Variants in PTPN12 observed in about 807,000 individuals in gnomAD.
PTPN12 encodes tyrosine-protein phosphatase non-receptor type 12.
A neutral mutation model predicts 97.6 loss-of-function variants in PTPN12; 29 were observed. The ratio of observed to expected loss-of-function variants is 0.30; its 90% CI spans 0.22 to 0.41. The LOEUF (loss-of-function observed/expected upper bound fraction) is 0.41, where lower values mean the gene tolerates loss of function less well. Among genes scored for constraint, PTPN12 ranks in the 10% least tolerant of loss-of-function variants. The probability of loss-of-function intolerance (pLI) is 1.00; values close to 1 mark genes in which losing one functional copy is unlikely to be tolerated. For synonymous variants in PTPN12, 327 were observed against 300.4 expected (o/e 1.09, Z -0.91); for missense variants, 819 against 926.0 (o/e 0.88, Z 1.50).
intron 11 of PTPN12, among the ~76,000 whole-genome samples, chr7:77,615,842 T>C (rs1244209631): frequency 6.6e-6 from 1 of 152,234 alleles, no homozygotes; most frequent in Non-Finnish European, 1.5e-5. Context: ...GATGTGGGTG[T>C]GTAGGAGACA....
chr7:77,611,487 C>T (rs1030554208), intron 11 of PTPN12, among the ~76,000 whole-genome samples: 1 of 152,128 alleles, frequency 6.6e-6, no homozygotes, highest in African/African-American at 2.4e-5. Context: ...TCTTGTTGCC[C>T]AGGCTGGAGT....
At chr7:77,550,694 G>A (rs1314841456) in intron 1 of PTPN12, among the ~76,000 whole-genome samples, 2 of 152,218 alleles carry the variant, frequency 1.3e-5, no homozygotes, top group East Asian at 3.8e-4. Context: ...TGAGAGGAAT[G>A]AGCAAGAGGC....
intron 5 of PTPN12, among the ~76,000 whole-genome samples, chr7:77,588,963 C>CT (rs1787780464): frequency 6.6e-6 from 1 of 152,090 alleles, no homozygotes; most frequent in African/African-American, 2.4e-5. Flanking sequence ...ACCTCCATCT[C>CT]CCGGGTTCAG....
chr7:77,570,601 A>G (rs138357795), intron 1 of PTPN12, among the ~76,000 whole-genome samples: 63 of 152,364 alleles, frequency 4.1e-4, no homozygotes, highest in African/African-American at 1.4e-3. Context: ...GACATTTCCA[A>G]TTCAATATGA....
chr7:77,572,919 T>C (rs67630171), intron 2 of PTPN12, among the ~76,000 whole-genome samples: 106,914 of 151,322 alleles, frequency 0.71, 38,808 homozygotes, highest in East Asian at 0.9. Context: ...CCCATCTCTA[T>C]CAAAAATACA....
chr7:77,628,560 A>ATT lies in PTPN12; in HGVS notation c.1996+899_1996+900dup, dbSNP rs34494082. Reference sequence around the variant, plus strand: ...AAAATAAGTACTGTGACCTTGAAAGATTTTTTTTTTTTTTTGAGACTTGCA... The same window carrying ATT: ...AAAATAAGTACTGTGACCTTGAAAGATTTTTTTTTTTTTTTTTGAGACTTGCA... On this transcript the variant is annotated intron_variant, in intron 13 of 17. Transcript: ENST00000248594. Among the ~76,000 whole-genome samples, 431 of 143,818 alleles carry ATT rather than the reference A, an allele frequency of 3.0e-3. 5 individuals carry two copies. The East Asian group carries it at 0.045, about 15-fold the overall frequency. 94.4% of individuals were successfully genotyped at this position (143,818 alleles called of 152,430 possible).
intron 2 of PTPN12, among the ~76,000 whole-genome samples, chr7:77,572,777 A>G (rs540033841): frequency 6.6e-6 from 1 of 152,274 alleles, no homozygotes; most frequent in East Asian, 1.9e-4. Flanking sequence ...ATAGGTTAAT[A>G]TTAAATGCTT....
intron 2 of PTPN12, among the ~76,000 whole-genome samples, chr7:77,579,086 T>G (rs1476647077): frequency 6.6e-6 from 1 of 152,172 alleles, no homozygotes; most frequent in African/African-American, 2.4e-5. Context: ...CAGAGAAACT[T>G]TTTTAGATTG....
At chr7:77,568,376 G>A (rs117091436) in intron 1 of PTPN12, among the ~76,000 whole-genome samples, 1,852 of 152,278 alleles carry the variant, frequency 0.012, 13 homozygotes, top group Middle Eastern at 0.034. Flanking sequence ...GCTTACACTT[G>A]TATTCCCCAG....
At chr7:77,626,436 A>T (rs895161825) in intron 12 of PTPN12, among the ~76,000 whole-genome samples, 5 of 152,144 alleles carry the variant, frequency 3.3e-5, no homozygotes, top group Non-Finnish European at 2.9e-5. Flanking sequence ...AAGCAGCTAT[A>T]AAAAAATGTT....
intron 11 of PTPN12, among the ~76,000 whole-genome samples, chr7:77,612,542 G>A (rs545537960): frequency 2.7e-4 from 41 of 152,212 alleles, no homozygotes; most frequent in African/African-American, 9.6e-4. Context: ...AGGTTCAAGC[G>A]ATTCTCCTGC....
intron 2 of PTPN12, among the ~76,000 whole-genome samples, chr7:77,578,465 A>G (rs989440872): frequency 7.2e-5 from 11 of 152,222 alleles, no homozygotes; most frequent in African/African-American, 2.7e-4. Context: ...CAGTGAGGAG[A>G]TGAATAATTT....
In PTPN12 at chr7:77,618,510, T is replaced by C. The variant is rs771521940; in HGVS notation, c.970T>C (p.Ser324Pro). ...NEINTENMVS[S>P]IEPEKQDSPP... ...AATTAACACTGAAAACATGGTCAGC[T>C]CCATAGAGCCTGAAAAACAAGATTC... Residue 324 changes from serine (S) to proline (P), a missense_variant, in exon 12 of 18, where the codon TCC (serine) becomes CCC (proline). Physicochemically the swap from Ser to Pro is moderately conservative, Grantham distance 74. Around this residue, in one of 5 missense-constraint regions of PTPN12, gnomAD observed 607 missense variants for 577.3 expected, o/e 1.05. Coordinates refer to ENST00000248594, the MANE Select transcript of PTPN12 (RefSeq NM_002835.4). 2 of 1,608,772 alleles carry C rather than the reference T, an allele frequency of 1.2e-6. No individual in the cohort carries two copies. The highest frequency in any genetic ancestry group is 1.7e-5 in the Admixed American group (1 of 59,884).
At chr7:77,550,323 AG>A in intron 1 of PTPN12, among the ~76,000 whole-genome samples, 1 of 152,318 alleles carries the variant, frequency 6.6e-6, no homozygotes, top group South Asian at 2.1e-4. Context: ...AGATTATACA[AG>A]GGGACTTCAA....
intron 2 of PTPN12, among the ~76,000 whole-genome samples, chr7:77,573,118 T>G (rs1408487103): frequency 9.5e-5 from 11 of 115,454 alleles, no homozygotes; most frequent in Admixed American, 2.1e-4. Flanking sequence ...AAAAAACCAG[T>G]GTACCTAGCA....
intron 7 of PTPN12, among the ~76,000 whole-genome samples, chr7:77,599,151 G>A (rs1214241113): frequency 6.6e-6 from 1 of 151,606 alleles, no homozygotes; most frequent in African/African-American, 2.4e-5. Context: ...TACCTTCTTT[G>A]CAGCAAATAT....
In PTPN12 at chr7:77,537,334, G is replaced by T; in HGVS notation, c.-213G>T. ...TCGCCTGGTACTGTGGGAGAGCGGC[G>T]GCTGCTCCTGGAAGTTGTGGTGTCG... is the stretch of plus-strand genomic sequence containing the variant. On this transcript the variant is annotated 5_prime_UTR_variant, in exon 1 of 18. Transcript: ENST00000248594. 1 of 548,960 alleles carries T rather than the reference G, an allele frequency of 1.8e-6. No individual in the cohort carries two copies. The highest frequency in any genetic ancestry group is 3.0e-6 in the Non-Finnish European group (1 of 338,710). The allele number at this position is 548,960 out of a possible 1,614,324, so 34.0% of individuals were successfully genotyped here. A position where few individuals can be genotyped will look rare whatever the true frequency, so the allele number is the denominator to read the frequency against.
At chr7:77,605,885 A>G (rs993624525) in intron 8 of PTPN12, among the ~76,000 whole-genome samples, 1 of 146,700 alleles carries the variant, frequency 6.8e-6, no homozygotes, top group African/African-American at 2.5e-5. Flanking sequence ...CACCTTTCCT[A>G]TACCTTCTAT....
At chr7:77,617,174 G>T (rs1562753006) in intron 11 of PTPN12, among the ~76,000 whole-genome samples, 1 of 152,092 alleles carries the variant, frequency 6.6e-6, no homozygotes, top group Non-Finnish European at 1.5e-5. Flanking sequence ...TTTGCGTGAG[G>T]CACACCAGTT....
Sources: allele counts gnomAD v4.1 joint callset (sites outside exome capture counted in the v4.1 genomes callset), GRCh38; gene constraint gnomAD v4.1.1; regional missense constraint gnomAD v4.1.1; transcripts MANE v1.5; gene names NCBI Gene and HGNC (gene_info 2026-07-23, HGNC 2026-07-21).